ZNF697: variants seen among roughly 807,000 people sequenced by gnomAD.
ZNF697 encodes zinc finger protein 697.
ZNF697 carries 23 observed loss-of-function variants against 32.4 expected under a neutral mutation model. The observed-to-expected ratio is 0.71, with a 90% CI of 0.51 to 1.01. The LOEUF (loss-of-function observed/expected upper bound fraction) is 1.01, where lower values mean the gene tolerates loss of function less well. ZNF697 is among the 50% of genes least tolerant of loss of function. The probability of loss-of-function intolerance (pLI) is 0.00; values close to 1 mark genes in which losing one functional copy is unlikely to be tolerated. For synonymous variants in ZNF697, 418 were observed against 337.2 expected (o/e 1.24, Z -2.62); for missense variants, 930 against 794.0 (o/e 1.17, Z -2.06).
chr1:119,624,768 T>C (rs749294243), intron 2 of ZNF697, among the ~76,000 whole-genome samples: 4 of 151,900 alleles, frequency 2.6e-5, no homozygotes, highest in Non-Finnish European at 4.4e-5. Context: ...CTAACTTGTA[T>C]TTTTAGTAGA....
At position 119,623,968 on chromosome 1, in the gene ZNF697, C is replaced by T. The variant is rs138029643; in HGVS notation, c.375G>A (p.Gly125=). The T allele has an allele frequency of 6.3e-4, 1,021 of 1,608,248 alleles. 1 individual carries two copies. The highest frequency in any genetic ancestry group is 8.0e-4 in the Non-Finnish European group (940 of 1,177,486). ...SLREDDDESA[G]ENRLEEEEEQ... ...CCTCTTCCTCCTCCAGCCGGTTCTC[C>T]CCAGCACTCTCGTCGTCGTCCTCCC... Residue 125 remains glycine (G), a synonymous_variant, in exon 3 of 3, where the codon GGG becomes GGA. Coordinates refer to ENST00000421812, the MANE Select transcript of ZNF697 (RefSeq NM_001080470.2).
At chr1:119,632,844 C>T (rs1293218072) in intron 1 of ZNF697, among the ~76,000 whole-genome samples, 2 of 152,210 alleles carry the variant, frequency 1.3e-5, no homozygotes, top group South Asian at 2.1e-4. Flanking sequence ...CCATATTTTA[C>T]ATTTAACTGA....
In ZNF697 at chr1:119,619,963, C is replaced by T. The variant is rs947628863; in HGVS notation, c.*2742G>A. 4 of 152,512 alleles carry T rather than the reference C, an allele frequency of 2.6e-5. No homozygotes were observed. The highest frequency in any genetic ancestry group is 6.5e-5 in the Admixed American group (1 of 15,282). The allele number at this position is 152,512 out of a possible 1,614,324, so 9.4% of individuals were successfully genotyped here. ...CAGATTAACGTTTTCAAGGGTGAAC[C>T]GCAGTTAGCAGGGTTTGCCGAAGAA... On this transcript the variant is annotated 3_prime_UTR_variant, in exon 3 of 3. Transcript: ENST00000421812.
chr1:119,636,276 ATG>A (rs1221630140), intron 1 of ZNF697, among the ~76,000 whole-genome samples: 1 of 152,218 alleles, frequency 6.6e-6, no homozygotes, highest in Non-Finnish European at 1.5e-5. Context: ...CCATACGGAA[ATG>A]TGTCTGTAGA....
intron 1 of ZNF697, among the ~76,000 whole-genome samples, chr1:119,629,188 G>T (rs1648693262): frequency 6.6e-6 from 1 of 152,074 alleles, no homozygotes; most frequent in Non-Finnish European, 1.5e-5. Context: ...TACATAAACA[G>T]GTATTTTTTA....
Position 119,623,398 on chromosome 1 carries a change from C to G in ZNF697, c.945G>C (p.Lys315Asn). 2.0e-6 allele frequency: 3 copies of G among 1,517,176 alleles called. No individual in the cohort carries two copies. The highest frequency in any genetic ancestry group is 2.6e-6 in the Non-Finnish European group (3 of 1,134,018). 94.0% of individuals were successfully genotyped at this position (1,517,176 alleles called of 1,614,324 possible). The change falls in exon 3 of 3, where the codon AAG becomes AAC. Residue 315 changes from lysine to asparagine, a missense_variant. By Grantham distance (94) the Lys-to-Asn change is moderately conservative. Transcript: ENST00000421812. ...LKHRRLHTGE[K>N]PYPCPECGEA... ...CGCCGCACTCGGGGCACGGGTAGGG[C>G]TTCTCGCCCGTGTGCAGGCGCCGGT...
At chr1:119,628,806 A>G (rs983264085) in intron 1 of ZNF697, among the ~76,000 whole-genome samples, 1 of 152,234 alleles carries the variant, frequency 6.6e-6, no homozygotes, top group Non-Finnish European at 1.5e-5. Flanking sequence ...AAAGATGATC[A>G]CGATGTAATT....
Position 119,623,483 on chromosome 1 carries a change from C to A in ZNF697, c.860G>T (p.Arg287Leu). Reference protein sequence around the residue: ...TNHLRLHTGERPNLCADCGKS... With the variant: ...TNHLRLHTGELPNLCADCGKS... ...GCCGCAGTCGGCGCACAGGTTGGGC[C>A]GCTCGCCCGTGTGCAGGCGCAGGTG... Residue 287 changes from arginine (R) to leucine (L), a missense_variant, in exon 3 of 3, where the codon CGG (arginine) becomes CTG (leucine). Arg to Leu is a moderately radical substitution (Grantham distance 102, BLOSUM62 -2). Coordinates refer to ENST00000421812, the MANE Select transcript of ZNF697 (RefSeq NM_001080470.2). The A allele has an allele frequency of 6.5e-7, 1 of 1,546,500 alleles. No individual in the cohort carries two copies. The highest frequency in any genetic ancestry group is 8.7e-7 in the Non-Finnish European group (1 of 1,150,126).
chr1:119,641,183 C>A (rs975984004), intron 1 of ZNF697, among the ~76,000 whole-genome samples: 1 of 152,144 alleles, frequency 6.6e-6, no homozygotes, highest in Non-Finnish European at 1.5e-5. Context: ...GGCAACTGCC[C>A]CCCAGACTAG....
chr1:119,628,848 C>T (rs775791044), intron 1 of ZNF697, among the ~76,000 whole-genome samples: 11 of 152,182 alleles, frequency 7.2e-5, no homozygotes, highest in Non-Finnish European at 1.5e-4. Flanking sequence ...AAAAATATTT[C>T]ACTTTGGCTT....
At chr1:119,628,606 C>T (rs1264982238) in intron 1 of ZNF697, among the ~76,000 whole-genome samples, 1 of 152,190 alleles carries the variant, frequency 6.6e-6, no homozygotes. Flanking sequence ...CTGAAAAGAG[C>T]TTGAAGTTCC....
At chr1:119,629,016 C>G (rs1000282753) in intron 1 of ZNF697, among the ~76,000 whole-genome samples, 1 of 152,150 alleles carries the variant, frequency 6.6e-6, no homozygotes, top group Admixed American at 6.5e-5. Context: ...TCCAACTTCA[C>G]AGATAGGAAA....
chr1:119,625,554 A>G (rs1370618780), intron 2 of ZNF697, among the ~76,000 whole-genome samples: 2 of 152,206 alleles, frequency 1.3e-5, no homozygotes, highest in Non-Finnish European at 1.5e-5. Context: ...TCTCCCAATA[A>G]CACTGTGAGG....
chr1:119,647,633 G>C (rs1649251240), intron 1 of ZNF697, 58 bp downstream of exon 1: 2 of 152,456 alleles, frequency 1.3e-5, no homozygotes, highest in African/African-American at 4.8e-5. Context: ...GGCACGAACA[G>C]ACAAGGCAAG....
intron 1 of ZNF697, among the ~76,000 whole-genome samples, chr1:119,637,253 A>AT (rs1283418245): frequency 6.6e-6 from 1 of 152,230 alleles, no homozygotes. Context: ...GGCCTAGTTC[A>AT]TATTAACTGC....
chr1:119,622,051 T>A lies in ZNF697; in HGVS notation c.*654A>T, dbSNP rs1212491800. The A allele has an allele frequency of 6.6e-6, 1 of 152,640 alleles. No individual in the cohort carries two copies. Among genetic ancestry groups the A allele is most frequent in the East Asian group, 1.9e-4 (1 of 5,194 alleles). The allele number at this position is 152,640 out of a possible 1,614,324, so 9.5% of individuals were successfully genotyped here. On this transcript the variant is annotated 3_prime_UTR_variant, in exon 3 of 3. Transcript: ENST00000421812. The stretch of plus-strand genomic sequence containing the variant: ...ATTTCCCACATCAGAGAACCAGTTA[T>A]AAATGAATTTCTAAACCCCAGACAT...
chr1:119,627,147 C>T (rs962148315), intron 1 of ZNF697, among the ~76,000 whole-genome samples: 2 of 152,206 alleles, frequency 1.3e-5, no homozygotes, highest in South Asian at 2.1e-4. Context: ...GTTTCTAGGT[C>T]GAGGATCTTG....
In ZNF697 at chr1:119,623,655, C is replaced by T. The variant is rs1051286715; in HGVS notation, c.688G>A (p.Glu230Lys). The change falls in exon 3 of 3, where the codon GAG becomes AAG. Residue 230 changes from glutamate (E) to lysine (K), a missense_variant. Transcript: ENST00000421812. ...ATCATGCCCACCATCGCGTCGCACT[C>T]GCCCGCCAGGCCGAAGGGCTCCAGG... ...ASLEPFGLAG[E>K]CDAMVGMMGV... 6.1e-6 allele frequency: 9 copies of T among 1,486,494 alleles called. No individual in the cohort carries two copies. The highest frequency in any genetic ancestry group is 2.9e-5 in the African/African-American group (2 of 70,174). The allele number at this position is 1,486,494 out of a possible 1,614,324, so 92.1% of individuals were successfully genotyped here.
intron 1 of ZNF697, among the ~76,000 whole-genome samples, chr1:119,642,909 C>A (rs1403957805): frequency 6.6e-6 from 1 of 152,154 alleles, no homozygotes; most frequent in Admixed American, 6.5e-5. Context: ...TAAAGTGATT[C>A]TTTGAAATTC....
Sources: gnomAD v4.1 joint callset for allele counts (sites outside exome capture counted in the v4.1 genomes callset) on GRCh38, gnomAD v4.1.1 for gene constraint, MANE v1.5 for transcripts, NCBI Gene and HGNC (gene_info 2026-07-23, HGNC 2026-07-21) for gene names.